The following NEK5 variants were observed in gnomAD, a reference collection of about 807,000 sequenced individuals.
The protein encoded by NEK5 is serine/threonine-protein kinase Nek5.
A neutral mutation model predicts 109.2 loss-of-function variants in NEK5; 88 were observed. That is an observed-to-expected ratio of 0.81 (90% confidence interval 0.68 to 0.96). The LOEUF is 0.96. Among genes scored for constraint, NEK5 ranks in the 40% least tolerant of loss-of-function variants. The pLI is 0.00. For missense variants in NEK5, 834 were observed against 920.7 expected, an observed-to-expected ratio of 0.91 and a Z score of 1.22; for synonymous variants, 283 against 299.9, an observed-to-expected ratio of 0.94 and a Z score of 0.58.
chr13:52,122,710 T>A (rs1955993531), intron 3 of NEK5, among the ~76,000 whole-genome samples: 1 of 151,570 alleles, frequency 6.6e-6, no homozygotes, highest in Admixed American at 6.6e-5. Context: ...GAGATTGCAG[T>A]GAGCAGAGAT....
At chr13:52,037,484 GAAAA>G (rs1258699962) in intron 23 of NEK5, among the ~76,000 whole-genome samples, 4 of 151,626 alleles carry the variant, frequency 2.6e-5, no homozygotes, top group Admixed American at 1.3e-4. Flanking sequence ...TAAAAAAAAA[GAAAA>G]AAACAATTGC....
chr13:52,070,443 A>G (rs1216681159), intron 20 of NEK5, among the ~76,000 whole-genome samples: 1 of 152,204 alleles, frequency 6.6e-6, no homozygotes, highest in East Asian at 1.9e-4. Context: ...GGGGTGACCC[A>G]GAGGGAGGTG....
chr13:52,118,593 T>C (rs1955905653), intron 4 of NEK5, among the ~76,000 whole-genome samples: 1 of 152,138 alleles, frequency 6.6e-6, no homozygotes, highest in South Asian at 2.1e-4. Context: ...GAGGCAGAAT[T>C]GTATTCAGAT....
chr13:52,064,139 C>T (rs1382403971), intron 21 of NEK5, among the ~76,000 whole-genome samples: 17 of 141,074 alleles, frequency 1.2e-4, no homozygotes, highest in Non-Finnish European at 2.2e-4. Flanking sequence ...AGTCAGGAGC[C>T]CCTCTGCCTG....
intron 12 of NEK5, among the ~76,000 whole-genome samples, chr13:52,095,337 T>TA (rs1480136981): frequency 5.3e-5 from 8 of 152,214 alleles, no homozygotes; most frequent in African/African-American, 1.4e-4. Context: ...TGAAAAGTGG[T>TA]AAAAAATATA....
At chr13:52,063,954 G>C (rs1397918168) in intron 21 of NEK5, among the ~76,000 whole-genome samples, 1 of 149,038 alleles carries the variant, frequency 6.7e-6, no homozygotes, top group Non-Finnish European at 1.5e-5. Flanking sequence ...AGGTGGGGGG[G>C]TCAGCCCCCC....
At chr13:52,127,918 G>A (rs919764366) in intron 1 of NEK5, among the ~76,000 whole-genome samples, 3 of 152,132 alleles carry the variant, frequency 2.0e-5, no homozygotes, top group African/African-American at 7.2e-5. Flanking sequence ...TAGTGGGGAC[G>A]TACTGCCCCC....
At chr13:52,083,148 G>GA (rs568740084) in intron 17 of NEK5, 112 bp downstream of exon 17, 24,154 of 553,112 alleles carry the variant, frequency 0.044, 6 homozygotes, top group South Asian at 0.079. Context: ...CCGTCTCATA[G>GA]AAAAAAAAAA....
At position 52,086,509 on chromosome 13, in the gene NEK5, A is replaced by T. The variant is rs376859262; in HGVS notation, c.1393-146T>A. On this transcript the variant is annotated intron_variant, in intron 15 of 23. Coordinates refer to ENST00000684899, the MANE Select transcript of NEK5 (RefSeq NM_001365552.1). Reference sequence around the variant, plus strand: ...GCTCCTAAAGATGATAATCTGCCTTATGTTTTGGCTGCAGTACTTCACTCC... The same window carrying T: ...GCTCCTAAAGATGATAATCTGCCTTTTGTTTTGGCTGCAGTACTTCACTCC... The T allele has an allele frequency of 7.2e-4, 460 of 636,430 alleles. 1 individual carries two copies. Among genetic ancestry groups the T allele is most frequent in the Middle Eastern group, 5.4e-3 (17 of 3,166 alleles). 39.4% of individuals were successfully genotyped at this position (636,430 alleles called of 1,614,324 possible).
At chr13:52,065,675 T>G (rs1217345692) in intron 20 of NEK5, 66 bp from the exon 21 acceptor site, 4 of 1,192,502 alleles carry the variant, frequency 3.4e-6, no homozygotes, top group Non-Finnish European at 4.9e-6. Flanking sequence ...TCCCAAACAC[T>G]TCTTAGGAAC....
chr13:52,087,537 A>T (rs1955175773), intron 14 of NEK5, 83 bp from the exon 15 acceptor site: 1 of 708,158 alleles, frequency 1.4e-6, no homozygotes, highest in Admixed American at 2.3e-5. Flanking sequence ...TTTCCTATAA[A>T]TAAGAATTAT....
At chr13:52,088,255 G>GTT (rs201507300) in intron 14 of NEK5, among the ~76,000 whole-genome samples, 2 of 148,256 alleles carry the variant, frequency 1.3e-5, no homozygotes, top group African/African-American at 5.0e-5. Context: ...GTTGGTTTTT[G>GTT]TTTTTTTTGT....
intron 9 of NEK5, among the ~76,000 whole-genome samples, chr13:52,102,944 C>T (rs1955571412): frequency 6.6e-6 from 1 of 152,266 alleles, no homozygotes; most frequent in Non-Finnish European, 1.5e-5. Flanking sequence ...TCCTTCTGAT[C>T]TCTTTTAAAA....
intron 8 of NEK5, among the ~76,000 whole-genome samples, chr13:52,106,308 G>A (rs1375938777): frequency 6.6e-6 from 1 of 152,014 alleles, no homozygotes; most frequent in African/African-American, 2.4e-5. Context: ...GTATCTCTTG[G>A]GCATTTTTTC....
intron 17 of NEK5, among the ~76,000 whole-genome samples, chr13:52,078,615 G>A (rs1199676628): frequency 1.3e-5 from 2 of 151,520 alleles, no homozygotes; most frequent in African/African-American, 2.4e-5. Flanking sequence ...AAGAGATGGC[G>A]GACTCAAGTC....
At chr13:52,087,663 T>C (rs2137901743) in intron 14 of NEK5, among the ~76,000 whole-genome samples, 1 of 152,334 alleles carries the variant, frequency 6.6e-6, no homozygotes, top group East Asian at 1.9e-4. Flanking sequence ...TCTCACTCTG[T>C]CACCCAGGCT....
At chr13:52,086,542 A>G (rs1453581199) in intron 15 of NEK5, among the ~76,000 whole-genome samples, 179 bp from the exon 16 acceptor site, 1 of 152,238 alleles carries the variant, frequency 6.6e-6, no homozygotes, top group Admixed American at 6.5e-5. Context: ...TCCCTGTGAG[A>G]CAGTGGCTTT....
rs1356145929 is a variant in NEK5 at position 52,033,722 on chromosome 13, C to CAA, written c.*3224_*3225dup. ...GGATTTTATAAGGTCATCTTATAGA[C>CAA]AAAATTAAGAGACACCAGTGTGGTT... On this transcript the variant is annotated 3_prime_UTR_variant, in exon 24 of 24. Transcript: ENST00000684899. 1 of 153,330 alleles carries CAA rather than the reference C, an allele frequency of 6.5e-6. No individual in the cohort carries two copies. The allele number at this position is 153,330 out of a possible 1,614,324, so 9.5% of individuals were successfully genotyped here.
intron 21 of NEK5, chr13:52,062,227 G>A (rs1954619378): frequency 6.6e-6 from 1 of 151,988 alleles, no homozygotes; most frequent in African/African-American, 2.4e-5. Context: ...GACAATTGAG[G>A]GGAAACTCAA....
Sources: allele counts gnomAD v4.1 joint callset (sites outside exome capture counted in the v4.1 genomes callset), GRCh38; gene constraint gnomAD v4.1.1; transcripts MANE v1.5; gene names NCBI Gene and HGNC (gene_info 2026-07-23, HGNC 2026-07-21).